PCDHGB2: variants seen among roughly 807,000 people sequenced by gnomAD.
PCDHGB2 encodes protocadherin gamma-B2.
In PCDHGB2, 55 loss-of-function variants were observed where a neutral mutation model predicts 59.3. The observed-to-expected ratio is 0.93, with a 90% CI of 0.75 to 1.16. The LOEUF is 1.16. PCDHGB2 is among the 50% of genes most tolerant of loss of function. The pLI is 0.00. For missense variants in PCDHGB2, 1,228 were observed against 1,198.5 expected (o/e 1.02, Z -0.36); for synonymous variants, 516 against 512.0 (o/e 1.01, Z -0.11).
chr5:141,476,825 G>A lies in PCDHGB2; in HGVS notation c.2422-17982G>A. ...GCCTATTCACATCAAGGTGCTGGACGCGAATGACAATGCGCCTGTCTTCAA... is the reference window on the plus strand; with the variant it reads ...GCCTATTCACATCAAGGTGCTGGACACGAATGACAATGCGCCTGTCTTCAA... On this transcript the variant is annotated intron_variant, in intron 1 of 3. Transcript: ENST00000522605. The surrounding 1 kb of genome is among the most constrained non-coding windows in gnomAD (Gnocchi z 7.6). 6.2e-7 allele frequency: 1 copy of A among 1,613,554 alleles called. No individual in the cohort carries two copies. Among genetic ancestry groups the A allele is most frequent in the East Asian group, 2.2e-5 (1 of 44,870 alleles).
chr5:141,457,997 G>A (rs2098934533), intron 1 of PCDHGB2, among the ~76,000 whole-genome samples: 1 of 152,152 alleles, frequency 6.6e-6, no homozygotes, highest in Non-Finnish European at 1.5e-5. Context: ...TAAAGCCTTG[G>A]CAAAATAACC....
chr5:141,374,092 T>G, intron 1 of PCDHGB2: 2 of 1,537,780 alleles, frequency 1.3e-6, no homozygotes. Flanking sequence ...TAATGGCGCC[T>G]CCGCAGAGGC....
At chr5:141,456,837 C>G (rs550771859) in intron 1 of PCDHGB2, among the ~76,000 whole-genome samples, 70 of 152,194 alleles carry the variant, frequency 4.6e-4, no homozygotes, top group Non-Finnish European at 8.2e-4. Context: ...GTAGTGGGCG[C>G]CTGTAATCCC....
At chr5:141,418,381 T>C in intron 1 of PCDHGB2, 3 of 1,613,998 alleles carry the variant, frequency 1.9e-6, no homozygotes, top group Non-Finnish European at 2.5e-6. Flanking sequence ...AACTAAGTCC[T>C]AACGAGTATT....
chr5:141,375,253 C>G, intron 1 of PCDHGB2: 1 of 1,613,916 alleles, frequency 6.2e-7, no homozygotes, highest in Non-Finnish European at 8.5e-7. Flanking sequence ...CGAGAAGTCT[C>G]CCATTTGAAT....
chr5:141,365,266 C>A, intron 1 of PCDHGB2: 2 of 1,613,938 alleles, frequency 1.2e-6, no homozygotes, highest in African/African-American at 2.7e-5. Context: ...ATGAAGAATC[C>A]AGATTCTACC....
intron 1 of PCDHGB2, among the ~76,000 whole-genome samples, chr5:141,450,616 A>G (rs2098687684): frequency 6.6e-6 from 1 of 151,486 alleles, no homozygotes; most frequent in African/African-American, 2.4e-5. Flanking sequence ...CCTCCTGAGT[A>G]GCTGGGATTA....
Position 141,413,494 on chromosome 5 carries a change from G to T in PCDHGB2, c.2421+50938G>T, listed in dbSNP as rs778441176. On this transcript the variant is annotated intron_variant, in intron 1 of 3. Transcript: ENST00000522605. ...GCTCTGCGCTCAGAGCGCGCGGTGCGTGGTGAGTTTTAATATCCTTGTGGA... is the reference window on the plus strand; with the variant it reads ...GCTCTGCGCTCAGAGCGCGCGGTGCTTGGTGAGTTTTAATATCCTTGTGGA... The T allele has an allele frequency of 5.0e-6, 8 of 1,614,042 alleles. No individual in the cohort carries two copies. The East Asian group carries it at 1.3e-4, about 27-fold the overall frequency.
intron 1 of PCDHGB2, chr5:141,366,026 G>A (rs1435351419): frequency 4.3e-6 from 7 of 1,614,094 alleles, no homozygotes; most frequent in Non-Finnish European, 5.1e-6. Flanking sequence ...CCTGTACCCC[G>A]CCCTCCCCAC....
In PCDHGB2 at chr5:141,487,439, T is replaced by C. The variant is rs201458212; in HGVS notation, c.2422-7368T>C. 1 of 1,613,926 alleles carries C rather than the reference T, an allele frequency of 6.2e-7. No individual in the cohort carries two copies. Among genetic ancestry groups the C allele is most frequent in the South Asian group, 1.1e-5 (1 of 91,066 alleles). ...TGGGATCCTCCGAATCCAGCTAGGG[T>C]CAGATGACCCTATCAAGTTTGTTGA... is the stretch of plus-strand genomic sequence containing the variant. On this transcript the variant is annotated intron_variant, in intron 1 of 3. Transcript: ENST00000522605. This position sits in a 1 kb window ranked among gnomAD's most constrained non-coding sequence, Gnocchi z 5.0.
chr5:141,405,231 C>A, intron 1 of PCDHGB2: 1 of 1,614,130 alleles, frequency 6.2e-7, no homozygotes, highest in Non-Finnish European at 8.5e-7. Flanking sequence ...TTCTCCCTCA[C>A]CGCTGACTCA....
rs911461762 is a variant in PCDHGB2 at position 141,512,938 on chromosome 5, T to C, written c.*1765T>C. The stretch of plus-strand genomic sequence containing the variant: ...ACTCTAATATTTATATGGCTTTTTT[T>C]CTTCGACAAAAAAATAATAAAACGT... On this transcript the variant is annotated 3_prime_UTR_variant, in exon 4 of 4. Coordinates refer to ENST00000522605, the MANE Select transcript of PCDHGB2 (RefSeq NM_018923.3). 6.6e-6 allele frequency: 1 copy of C among 151,928 alleles called. No homozygotes were observed. Among genetic ancestry groups the C allele is most frequent in the Non-Finnish European group, 1.5e-5 (1 of 67,934 alleles). The allele number at this position is 151,928 out of a possible 1,614,324, so 9.4% of individuals were successfully genotyped here.
At position 141,422,424 on chromosome 5, in the gene PCDHGB2, T is replaced by C. The variant is rs1182660567; in HGVS notation, c.2421+59868T>C. The C allele has an allele frequency of 2.5e-6, 4 of 1,608,076 alleles. No homozygotes were observed. The East Asian group carries it at 6.7e-5, about 27-fold the overall frequency. On this transcript the variant is annotated intron_variant, in intron 1 of 3. Transcript: ENST00000522605. ...TGCCTTTTAAATTAGAAAAGACTTA[T>C]GGAAATTATTACAAATTGATAACAA...
rs748223478 is a variant in PCDHGB2 at position 141,415,687 on chromosome 5, G to T, written c.2421+53131G>T. ...TTACTTTGAAGTTTGCGGCATGATG[G>T]TGGAAAGTGTAAATGCTAAAACACT... On this transcript the variant is annotated intron_variant, in intron 1 of 3. Coordinates refer to ENST00000522605, the MANE Select transcript of PCDHGB2 (RefSeq NM_018923.3). 1.1e-5 allele frequency: 17 copies of T among 1,535,300 alleles called. No individual in the cohort carries two copies. In the South Asian group the frequency reaches 1.3e-4, roughly 12 times the overall value.
chr5:141,419,830 T>G, intron 1 of PCDHGB2: 1 of 1,614,052 alleles, frequency 6.2e-7, no homozygotes, highest in African/African-American at 1.3e-5. Context: ...TTTCAGCCAC[T>G]GCCACGCTGC....
In PCDHGB2 at chr5:141,487,954, T is replaced by C. The variant is rs2099669751; in HGVS notation, c.2422-6853T>C. On this transcript the variant is annotated intron_variant, in intron 1 of 3. Transcript: ENST00000522605. The surrounding 1 kb of genome is among the most constrained non-coding windows in gnomAD (Gnocchi z 5.0). ...GGGTACAGTGCACCAGGCAGTCACTTGGACAAAGGTGGCTGTTTTCTCTAC... is the reference window on the plus strand; with the variant it reads ...GGGTACAGTGCACCAGGCAGTCACTCGGACAAAGGTGGCTGTTTTCTCTAC... Among the ~76,000 whole-genome samples the C allele has an allele frequency of 6.6e-6, 1 of 152,182 alleles. No homozygotes were observed. The highest frequency in any genetic ancestry group is 1.5e-5 in the Non-Finnish European group (1 of 68,020).
chr5:141,363,100 A>G (rs1762808567), intron 1 of PCDHGB2, among the ~76,000 whole-genome samples: 3 of 152,266 alleles, frequency 2.0e-5, no homozygotes, highest in Admixed American at 2.0e-4. Context: ...AAGGACAGGC[A>G]ATGTTTGAGG....
chr5:141,370,350 A>G (rs1454225178), intron 1 of PCDHGB2: 1 of 1,496,326 alleles, frequency 6.7e-7, no homozygotes, highest in Non-Finnish European at 9.0e-7. Flanking sequence ...TTATTTAAAG[A>G]TCTCCTCTCC....
Position 141,426,915 on chromosome 5 carries a change from G to A in PCDHGB2, c.2421+64359G>A, listed in dbSNP as rs143411146. On this transcript the variant is annotated intron_variant, in intron 1 of 3. Coordinates refer to ENST00000522605, the MANE Select transcript of PCDHGB2 (RefSeq NM_018923.3). ...ACAGAGCTCTCATCTCCTGGTCCTG[G>A]AAGCAATGGACATGGGTGACCCAGT... 1,737 of 456,738 alleles carry A rather than the reference G, an allele frequency of 3.8e-3. 17 individuals carry two copies. Among genetic ancestry groups the A allele is most frequent in the Admixed American group, 0.01 (426 of 42,586 alleles). The allele number at this position is 456,738 out of a possible 1,614,324, so 28.3% of individuals were successfully genotyped here.
Sources: gnomAD v4.1 joint callset for allele counts (sites outside exome capture counted in the v4.1 genomes callset) on GRCh38, gnomAD v4.1.1 for gene constraint, Gnocchi (gnomAD v3.1) non-coding constraint, MANE v1.5 for transcripts, NCBI Gene and HGNC (gene_info 2026-07-23, HGNC 2026-07-21) for gene names.